SORCS1: variants seen among roughly 807,000 people sequenced by gnomAD.
SORCS1 encodes the protein VPS10 domain-containing receptor SorCS1.
In SORCS1, 60 loss-of-function variants were observed where a neutral mutation model predicts 146.1. That is an observed-to-expected ratio of 0.41 (90% CI 0.33 to 0.51). The LOEUF is 0.51. Ranked by LOEUF, SORCS1 falls within the 20% of genes least tolerant of loss-of-function variation. The pLI, the probability that SORCS1 is intolerant of heterozygous loss-of-function variation, is 0.21. For synonymous variants in SORCS1, 637 were observed against 584.0 expected (o/e 1.09, Z -1.31); for missense variants, 1,352 against 1,487.6 (o/e 0.91, Z 1.50).
At chr10:106,587,872 C>A (rs1845338495) in intron 24 of SORCS1, among the ~76,000 whole-genome samples, 1 of 151,924 alleles carries the variant, frequency 6.6e-6, no homozygotes, top group African/African-American at 2.4e-5. Flanking sequence ...TTTTATTTAA[C>A]CTGAGGTTTG....
Position 106,949,507 on chromosome 10 carries a change from A to G in SORCS1, c.626+7006T>C, listed in dbSNP as rs1954563550. Among the ~76,000 whole-genome samples, 3 of 152,278 alleles carry G rather than the reference A, an allele frequency of 2.0e-5. 1 individual carries two copies. Among genetic ancestry groups the G allele is most frequent in the African/African-American group, 7.2e-5 (3 of 41,566 alleles). Reference sequence around the variant, plus strand: ...GCACAGGCTGCCCTCATCCCTACACAGCCTCTGACTCAAGGCCATTATTCA... The same window carrying G: ...GCACAGGCTGCCCTCATCCCTACACGGCCTCTGACTCAAGGCCATTATTCA... On this transcript the variant is annotated intron_variant, in intron 2 of 25. Coordinates refer to ENST00000263054, the MANE Select transcript of SORCS1 (RefSeq NM_052918.5).
chr10:107,021,513 C>CAAAAAAAAAAAAAAAAAAAAAAAAAA (rs869141427), intron 1 of SORCS1, among the ~76,000 whole-genome samples: 1 of 68,594 alleles, frequency 1.5e-5, no homozygotes, highest in Non-Finnish European at 2.7e-5. Context: ...CACTCCGTCT[C>CAAAAAAAAAAAAAAAAAAAAAAAAAA]AAAAAAAAAA....
rs34071599 is a variant in SORCS1, at chr10:106,723,395, G to GCACACACACA, written c.1024+6645_1024+6654dup. 2.1e-3 allele frequency among the ~76,000 whole-genome samples: 312 copies of GCACACACACA among 149,280 alleles called. 1 individual carries two copies. Among genetic ancestry groups the GCACACACACA allele is most frequent in the African/African-American group, 6.9e-3 (281 of 40,740 alleles). On this transcript the variant is annotated intron_variant, in intron 6 of 25. Transcript: ENST00000263054. The stretch of plus-strand genomic sequence containing the variant: ...TTTTAATGTACTGGGCTCCTACGAT[G>GCACACACACA]CACACACACACACACACACACACAG...
intron 3 of SORCS1, among the ~76,000 whole-genome samples, chr10:106,805,738 A>G (rs2136697664): frequency 6.6e-6 from 1 of 152,234 alleles, no homozygotes; most frequent in East Asian, 1.9e-4. Context: ...ATACATATAA[A>G]TCATAATGAT....
chr10:106,961,155 G>A (rs4360629), intron 1 of SORCS1, among the ~76,000 whole-genome samples: 95,924 of 151,706 alleles, frequency 0.63, 30,888 homozygotes, highest in East Asian at 0.71. Flanking sequence ...CCAAAAGTCA[G>A]TGAAAAATAT....
At chr10:106,870,496 A>G (rs1162169655) in intron 2 of SORCS1, among the ~76,000 whole-genome samples, 1 of 152,170 alleles carries the variant, frequency 6.6e-6, no homozygotes, top group Non-Finnish European at 1.5e-5. Flanking sequence ...AGGCACATAG[A>G]CCAATGGAAC....
intron 1 of SORCS1, 75 bp from the exon 2 acceptor site, chr10:106,956,655 G>A: frequency 8.0e-7 from 1 of 1,247,708 alleles, no homozygotes; most frequent in Non-Finnish European, 1.2e-6. Context: ...CCCAAGGGAG[G>A]GCTTAGGATT....
intron 1 of SORCS1, among the ~76,000 whole-genome samples, chr10:107,122,818 G>A (rs968662070): frequency 6.6e-6 from 1 of 152,092 alleles, no homozygotes; most frequent in Non-Finnish European, 1.5e-5. Flanking sequence ...GGCATGAAGA[G>A]GAAAAGGAAG....
chr10:107,166,188 A>G (rs1358642892), upstream of SORCS1, among the ~76,000 whole-genome samples: 1 of 152,232 alleles, frequency 6.6e-6, no homozygotes, highest in Non-Finnish European at 1.5e-5. Context: ...GTTTCTAGTT[A>G]CATTTTTGTT....
rs149382792 is a variant in SORCS1 at position 107,027,687 on chromosome 10, C to T, written c.559-71107G>A. ...TTATCAGCAGGATCAGCAAGGGCAC[C>T]GCAGAAGTTTCAGTCATCAGCTGCT... On this transcript the variant is annotated intron_variant, in intron 1 of 25. Transcript: ENST00000263054. Among the ~76,000 whole-genome samples the T allele has an allele frequency of 3.5e-4, 53 of 152,262 alleles. 1 individual carries two copies. Among genetic ancestry groups the T allele is most frequent in the African/African-American group, 9.6e-4 (40 of 41,554 alleles).
chr10:107,117,855 C>T (rs934299810), intron 1 of SORCS1, among the ~76,000 whole-genome samples: 1 of 152,116 alleles, frequency 6.6e-6, no homozygotes, highest in Non-Finnish European at 1.5e-5. Context: ...ACTCATACCT[C>T]GAGTCTCACA....
chr10:107,159,313 T>C lies in SORCS1; in HGVS notation c.558+4656A>G, dbSNP rs138081923. Among the ~76,000 whole-genome samples the C allele has an allele frequency of 7.2e-5, 11 of 152,336 alleles. No individual in the cohort carries two copies. In the East Asian group the frequency reaches 2.1e-3, roughly 29 times the overall value. On this transcript the variant is annotated intron_variant, in intron 1 of 25. Coordinates refer to ENST00000263054, the MANE Select transcript of SORCS1 (RefSeq NM_052918.5). Reference sequence around the variant, plus strand: ...GTAAATGCAGCAGGTATCCAGTATCTGTATGAACAAAGTATTAAATTAGTT... The same window carrying C: ...GTAAATGCAGCAGGTATCCAGTATCCGTATGAACAAAGTATTAAATTAGTT...
intron 3 of SORCS1, among the ~76,000 whole-genome samples, chr10:106,801,811 T>C (rs1425406127): frequency 6.6e-6 from 1 of 152,198 alleles, no homozygotes; most frequent in Non-Finnish European, 1.5e-5. Context: ...ATTACAGGCG[T>C]GAGCCACCGT....
At chr10:106,970,607 G>A (rs1955735710) in intron 1 of SORCS1, among the ~76,000 whole-genome samples, 1 of 152,126 alleles carries the variant, frequency 6.6e-6, no homozygotes, top group Non-Finnish European at 1.5e-5. Context: ...CTCCCAAGGT[G>A]CTGGGATTAC....
At chr10:107,155,458 G>T (rs1969201808) in intron 1 of SORCS1, among the ~76,000 whole-genome samples, 1 of 152,100 alleles carries the variant, frequency 6.6e-6, no homozygotes, top group Non-Finnish European at 1.5e-5. Flanking sequence ...GAGAAACACT[G>T]CCCCAGGCAC....
intron 2 of SORCS1, among the ~76,000 whole-genome samples, chr10:106,926,697 T>G (rs544150639): frequency 6.6e-6 from 1 of 152,252 alleles, no homozygotes; most frequent in African/African-American, 2.4e-5. Context: ...ATAGCAGGTT[T>G]TTACTCTGAA....
In SORCS1 at chr10:107,083,521, A is replaced by C. The variant is rs1321212352; in HGVS notation, c.558+80448T>G. 7.9e-5 allele frequency among the ~76,000 whole-genome samples: 12 copies of C among 152,362 alleles called. No homozygotes were observed. The East Asian group carries it at 2.3e-3, about 29-fold the overall frequency. On this transcript the variant is annotated intron_variant, in intron 1 of 25. Transcript: ENST00000263054. ...ACTAAGACACAACCACTTAGAAGAT[A>C]AGACTGTCATGGGTCATACTTTTTT...
chr10:106,998,916 TC>T (rs919727959), intron 1 of SORCS1, among the ~76,000 whole-genome samples: 3 of 152,208 alleles, frequency 2.0e-5, no homozygotes, highest in Non-Finnish European at 4.4e-5. Flanking sequence ...AAGAAGTATG[TC>T]CTTGTATTAT....
At chr10:106,790,125 C>A (rs1294022726) in intron 3 of SORCS1, among the ~76,000 whole-genome samples, 5 of 152,118 alleles carry the variant, frequency 3.3e-5, no homozygotes, top group Admixed American at 3.3e-4. Context: ...CAAAGCCTAA[C>A]CACATCATGG....
Sources: allele counts gnomAD v4.1 joint callset (sites outside exome capture counted in the v4.1 genomes callset), GRCh38; gene constraint gnomAD v4.1.1; transcripts MANE v1.5; gene names NCBI Gene and HGNC (gene_info 2026-07-23, HGNC 2026-07-21).